KLF12: variants seen among roughly 807,000 people sequenced by gnomAD.
KLF12 encodes the protein KLF transcription factor 12, also known as Krueppel-like factor 12.
A neutral mutation model predicts 37.8 loss-of-function variants in KLF12; 9 were observed. That is an observed-to-expected ratio of 0.24 (90% CI 0.14 to 0.42). The LOEUF is 0.42. KLF12 is among the 10% of genes least tolerant of loss of function. KLF12 has a pLI of 1.00. For missense variants in KLF12, 411 were observed against 516.0 expected, an observed-to-expected ratio of 0.80 and a Z score of 1.97; for synonymous variants, 208 against 202.1, an observed-to-expected ratio of 1.03 and a Z score of -0.25.
At chr13:74,001,013 T>G (rs948954610) in intron 1 of KLF12, among the ~76,000 whole-genome samples, 2 of 152,236 alleles carry the variant, frequency 1.3e-5, no homozygotes, top group African/African-American at 4.8e-5. Flanking sequence ...GTCTAATTTA[T>G]GTGATTTAAA....
chr13:73,778,584 C>G (rs571246761), intron 5 of KLF12, among the ~76,000 whole-genome samples: 1 of 152,156 alleles, frequency 6.6e-6, no homozygotes, highest in East Asian at 1.9e-4. Context: ...AGGCTAGTCT[C>G]GAACACCTGG....
chr13:74,161,083 T>G, the KLF12 span, among the ~76,000 whole-genome samples: 146 of 151,498 alleles, frequency 9.6e-4, 1 homozygote, highest in African/African-American at 3.5e-3. Flanking sequence ...TTTTTTTTTT[T>G]TAATTGACAA....
intron 4 of KLF12, among the ~76,000 whole-genome samples, chr13:73,827,090 A>G (rs571596786): frequency 3.9e-4 from 59 of 152,258 alleles, no homozygotes; most frequent in African/African-American, 1.3e-3. Flanking sequence ...CAACAATATG[A>G]TATTTCTATT....
the KLF12 span, among the ~76,000 whole-genome samples, chr13:74,246,858 C>T: frequency 6.6e-6 from 1 of 152,086 alleles, no homozygotes; most frequent in Admixed American, 6.5e-5. Context: ...GACAGTGGCT[C>T]ATGGTGTTAA....
chr13:74,273,091 G>C, the KLF12 span, among the ~76,000 whole-genome samples: 1 of 152,054 alleles, frequency 6.6e-6, no homozygotes, highest in African/African-American at 2.4e-5. Flanking sequence ...CTTTCAAATA[G>C]TGCTTATTTT....
chr13:74,145,461 A>G, the KLF12 span, among the ~76,000 whole-genome samples: 1 of 152,166 alleles, frequency 6.6e-6, no homozygotes, highest in Non-Finnish European at 1.5e-5. Context: ...GCATGAGTTC[A>G]CTGGGCAGCC....
At chr13:74,003,370 T>C (rs1223419071) in intron 1 of KLF12, among the ~76,000 whole-genome samples, 1 of 152,142 alleles carries the variant, frequency 6.6e-6, no homozygotes, top group Non-Finnish European at 1.5e-5. Context: ...AAAGAATATA[T>C]GTAGAGTGAG....
At chr13:74,074,386 C>T (rs1874446973) in intron 1 of KLF12, among the ~76,000 whole-genome samples, 1 of 152,172 alleles carries the variant, frequency 6.6e-6, no homozygotes. Flanking sequence ...GGTTCTAAAA[C>T]CTGCAGAAGG....
chr13:74,208,383 A>C, the KLF12 span, among the ~76,000 whole-genome samples: 1 of 152,226 alleles, frequency 6.6e-6, no homozygotes, highest in African/African-American at 2.4e-5. Context: ...TGGCCAATCT[A>C]TCACTAATTA....
intron 1 of KLF12, among the ~76,000 whole-genome samples, chr13:74,106,854 T>C (rs1334129024): frequency 2.0e-5 from 3 of 151,722 alleles, no homozygotes; most frequent in Non-Finnish European, 4.4e-5. Context: ...TATATTATGA[T>C]GGTAAAATCT....
chr13:73,796,780 G>A (rs1881999247), intron 5 of KLF12, among the ~76,000 whole-genome samples: 1 of 152,098 alleles, frequency 6.6e-6, no homozygotes, highest in South Asian at 2.1e-4. Context: ...CCTTCATCTA[G>A]CCTTATAATA....
intron 1 of KLF12, among the ~76,000 whole-genome samples, chr13:74,037,056 T>C (rs891621803): frequency 6.6e-6 from 1 of 151,704 alleles, no homozygotes; most frequent in African/African-American, 2.4e-5. Flanking sequence ...ATAAAAAAAT[T>C]AGCCAGGCAT....
At chr13:74,260,272 C>T in the KLF12 span, among the ~76,000 whole-genome samples, 36 of 151,946 alleles carry the variant, frequency 2.4e-4, no homozygotes, top group African/African-American at 6.0e-4. Flanking sequence ...TAGAGTAAAT[C>T]GGGCAGGATA....
At chr13:74,245,628 T>C in the KLF12 span, among the ~76,000 whole-genome samples, 1 of 152,328 alleles carries the variant, frequency 6.6e-6, no homozygotes, top group South Asian at 2.1e-4. Flanking sequence ...TTGTTTTATT[T>C]TCTCATTTCT....
chr13:73,904,471 T>C (rs1888184312), intron 3 of KLF12, among the ~76,000 whole-genome samples: 1 of 73,096 alleles, frequency 1.4e-5, no homozygotes, highest in Non-Finnish European at 2.7e-5. Context: ...TTTCTTTCCT[T>C]TTTTTTTTTT....
chr13:73,907,025 T>C (rs537634606), intron 3 of KLF12, among the ~76,000 whole-genome samples: 5 of 152,282 alleles, frequency 3.3e-5, no homozygotes, highest in African/African-American at 7.2e-5. Context: ...TCTATTTTGG[T>C]AAGGGGGACA....
the KLF12 span, among the ~76,000 whole-genome samples, chr13:74,145,666 C>T: frequency 6.6e-6 from 1 of 152,144 alleles, no homozygotes; most frequent in Non-Finnish European, 1.5e-5. Flanking sequence ...TTACAAATAT[C>T]ACTTTTATTT....
At chr13:74,047,884 T>C (rs1264035403) in intron 1 of KLF12, among the ~76,000 whole-genome samples, 2 of 152,188 alleles carry the variant, frequency 1.3e-5, no homozygotes, top group African/African-American at 2.4e-5. Context: ...GTCAGCAAAC[T>C]TAAAAGGACA....
At chr13:74,061,277 C>T (rs1873576081) in intron 1 of KLF12, among the ~76,000 whole-genome samples, 3 of 152,132 alleles carry the variant, frequency 2.0e-5, no homozygotes, top group East Asian at 3.8e-4. Flanking sequence ...TAGCCTAGGT[C>T]ATGTAACACT....
Sources: allele counts gnomAD v4.1 joint callset (sites outside exome capture counted in the v4.1 genomes callset), GRCh38; gene constraint gnomAD v4.1.1; transcripts MANE v1.5; gene names NCBI Gene and HGNC (gene_info 2026-07-23, HGNC 2026-07-21).